The following E2F6 variants were observed in gnomAD, a reference collection of about 807,000 sequenced individuals.
The protein encoded by E2F6 is E2F transcription factor 6.
In E2F6, 19 loss-of-function variants were observed where a neutral mutation model predicts 31.5. The observed-to-expected ratio is 0.60, with a 90% confidence interval of 0.42 to 0.89. The LOEUF (loss-of-function observed/expected upper bound fraction) is 0.89, where lower values mean the gene tolerates loss of function less well. Among genes scored for constraint, E2F6 ranks in the 40% least tolerant of loss-of-function variants. E2F6 has a pLI of 0.00. For missense variants in E2F6, 269 were observed against 341.6 expected (o/e 0.79, Z 1.67); for synonymous variants, 121 against 127.7 (o/e 0.95, Z 0.36).
intron 1 of E2F6, among the ~76,000 whole-genome samples, chr2:11,459,690 T>C (rs1049138346): frequency 7.2e-5 from 11 of 151,986 alleles, no homozygotes; most frequent in African/African-American, 2.4e-4. Flanking sequence ...AAGACCAGCC[T>C]GGCCAACATA....
intron 3 of E2F6, among the ~76,000 whole-genome samples, chr2:11,452,410 C>A (rs1671125130): frequency 6.6e-6 from 1 of 152,032 alleles, no homozygotes; most frequent in Non-Finnish European, 1.5e-5. Flanking sequence ...TATAGACCAG[C>A]CTGGCCAACA....
At chr2:11,453,958 T>C (rs1308016486) in intron 2 of E2F6, among the ~76,000 whole-genome samples, 160 bp from the exon 3 acceptor site, 1 of 152,192 alleles carries the variant, frequency 6.6e-6, no homozygotes, top group Non-Finnish European at 1.5e-5. Context: ...ATCTCTTAAA[T>C]TGGAGAAAAA....
intron 1 of E2F6, among the ~76,000 whole-genome samples, chr2:11,463,958 G>GGGGGAA (rs56958029): frequency 5.6e-5 from 6 of 106,440 alleles, no homozygotes; most frequent in Admixed American, 3.2e-4. Flanking sequence ...CGGGGGGGGG[G>GGGGGAA]ACAAAAACAA....
intron 5 of E2F6, among the ~76,000 whole-genome samples, chr2:11,448,527 G>A (rs924096692): frequency 6.6e-6 from 1 of 152,158 alleles, no homozygotes; most frequent in Admixed American, 6.5e-5. Flanking sequence ...ACCAGGGTGA[G>A]TCTGTGGAGA....
At chr2:11,449,754 C>G (rs747217404) in intron 5 of E2F6, among the ~76,000 whole-genome samples, 1 of 152,212 alleles carries the variant, frequency 6.6e-6, no homozygotes, top group South Asian at 2.1e-4. Flanking sequence ...TGAAGCCACA[C>G]TAACTGGGTT....
chr2:11,454,097 G>C (rs1042757373), intron 2 of E2F6, among the ~76,000 whole-genome samples: 1 of 152,206 alleles, frequency 6.6e-6, no homozygotes, highest in African/African-American at 2.4e-5. Context: ...GGACAAAGCA[G>C]TGAGATTAAT....
intron 4 of E2F6, among the ~76,000 whole-genome samples, chr2:11,450,884 G>T (rs1671020082): frequency 6.6e-6 from 1 of 152,118 alleles, no homozygotes; most frequent in South Asian, 2.1e-4. Context: ...CTCAGAATCA[G>T]TGAGCCCCTC....
chr2:11,454,784 A>T (rs1157987978), intron 2 of E2F6, among the ~76,000 whole-genome samples: 6 of 152,160 alleles, frequency 3.9e-5, no homozygotes, highest in Non-Finnish European at 7.4e-5. Flanking sequence ...CCTCTAACAC[A>T]TTCACACTTG....
intron 5 of E2F6, among the ~76,000 whole-genome samples, chr2:11,448,951 C>T (rs1177282618): frequency 6.6e-6 from 1 of 152,222 alleles, no homozygotes; most frequent in Non-Finnish European, 1.5e-5. Flanking sequence ...CCCAGATCTT[C>T]ACGGTCAGGC....
rs753556695 is a variant in E2F6, at chr2:11,450,013, T to C, written c.650A>G (p.Glu217Gly). 6.2e-7 allele frequency: 1 copy of C among 1,609,486 alleles called. No individual in the cohort carries two copies. The highest frequency in any genetic ancestry group is 1.7e-5 in the Admixed American group (1 of 59,952). ...ETRLDVPAPR[E>G]DSITVHIRST... ...TTTTAAAAATGCAGGGTTACCTACT[T>C]CTCTGGGAGCTGGAACATCCAATCT... Residue 217 changes from glutamate (E) to glycine (G), a missense_variant and splice_region_variant, in exon 5 of 7, where the codon GAA becomes GGA. By Grantham distance (98) the Glu-to-Gly change is moderately conservative. Transcript: ENST00000381525.
rs149767995 is a variant in E2F6 at position 11,448,408 on chromosome 2, T to C, written c.652-634A>G. Among the ~76,000 whole-genome samples the C allele has an allele frequency of 3.6e-4, 55 of 152,336 alleles. No individual in the cohort carries two copies. In the East Asian group the frequency reaches 0.01, roughly 28 times the overall value. On this transcript the variant is annotated intron_variant, in intron 5 of 6. Transcript: ENST00000381525. ...ATAAATGATTGCTTTAATTGGGAGC[T>C]GCTTCAACTATAACAAAGTCTGTTT...
At position 11,446,213 on chromosome 2, in the gene E2F6, G is replaced by A. The variant is rs1670702569; in HGVS notation, c.*264C>T. The A allele has an allele frequency of 6.6e-6, 3 of 451,362 alleles. No homozygotes were observed. Among genetic ancestry groups the A allele is most frequent in the Non-Finnish European group, 4.0e-6 (1 of 251,422 alleles). 28.0% of individuals were successfully genotyped at this position (451,362 alleles called of 1,614,324 possible). Reference sequence around the variant, plus strand: ...GTCTGTCTTCATGACACTCTGTGATGAAGCTACTTCAGGAGGCAAGATGTC... The same window carrying A: ...GTCTGTCTTCATGACACTCTGTGATAAAGCTACTTCAGGAGGCAAGATGTC... On this transcript the variant is annotated 3_prime_UTR_variant, in exon 7 of 7. Transcript: ENST00000381525.
At chr2:11,455,215 G>T in intron 2 of E2F6, 2 of 745,536 alleles carry the variant, frequency 2.7e-6, no homozygotes, top group African/African-American at 1.9e-5. Flanking sequence ...AGTTCTTATG[G>T]CTTGGTTTGC....
chr2:11,461,310 T>C (rs1671765427), intron 1 of E2F6, among the ~76,000 whole-genome samples: 1 of 152,188 alleles, frequency 6.6e-6, no homozygotes, highest in African/African-American at 2.4e-5. Context: ...ACTTTAACAG[T>C]AGATGCTCTG....
chr2:11,454,306 T>TA (rs1267354191), intron 2 of E2F6, among the ~76,000 whole-genome samples: 5 of 152,098 alleles, frequency 3.3e-5, no homozygotes, highest in Non-Finnish European at 7.4e-5. Flanking sequence ...ACTAGTCTTC[T>TA]ATTAAGACAA....
In E2F6 at chr2:11,446,370, G is replaced by C; in HGVS notation, c.*107C>G. On this transcript the variant is annotated 3_prime_UTR_variant, in exon 7 of 7. Coordinates refer to ENST00000381525, the MANE Select transcript of E2F6 (RefSeq NM_198256.4). ...TGGCCATGATGCCGCTACTGAGAACGAGAGCACTTCATGGATAATTTATTG... is the reference window on the plus strand; with the variant it reads ...TGGCCATGATGCCGCTACTGAGAACCAGAGCACTTCATGGATAATTTATTG... 1.2e-6 allele frequency: 1 copy of C among 805,478 alleles called. No individual in the cohort carries two copies. Among genetic ancestry groups the C allele is most frequent in the Non-Finnish European group, 2.1e-6 (1 of 480,488 alleles). The allele number at this position is 805,478 out of a possible 1,614,324, so 49.9% of individuals were successfully genotyped here.
At chr2:11,463,931 A>AAT (rs1491360436) in intron 1 of E2F6, among the ~76,000 whole-genome samples, 1 of 119,038 alleles carries the variant, frequency 8.4e-6, no homozygotes, top group African/African-American at 3.0e-5. Context: ...CCAGGGTGAC[A>AAT]GAGTGAGATC....
chr2:11,445,497 G>A lies in E2F6; in HGVS notation c.*980C>T, dbSNP rs1225507234. 6.6e-6 allele frequency: 1 copy of A among 152,546 alleles called. No homozygotes were observed. Among genetic ancestry groups the A allele is most frequent in the Non-Finnish European group, 1.5e-5 (1 of 68,032 alleles). 9.4% of individuals were successfully genotyped at this position (152,546 alleles called of 1,614,324 possible). A position where few individuals can be genotyped will look rare whatever the true frequency, so the allele number is the denominator to read the frequency against. On this transcript the variant is annotated 3_prime_UTR_variant, in exon 7 of 7. Coordinates refer to ENST00000381525, the MANE Select transcript of E2F6 (RefSeq NM_198256.4). ...TATGTGAAAATGTGGGAGCAGAGCT[G>A]GAGAGAGGGCAAGGTACAACTTGTC...
rs115836439 is a variant in E2F6, at chr2:11,464,553, A to G, written c.108+1219T>C. Among the ~76,000 whole-genome samples the G allele has an allele frequency of 2.4e-3, 355 of 150,172 alleles. 1 individual carries two copies. The highest frequency in any genetic ancestry group is 8.2e-3 in the African/African-American group (333 of 40,508). ...AAAAAAAAAAAAAGTTTAGCTGTGA[A>G]GAGGAAGAGAGACAGTAGATGGGAG... On this transcript the variant is annotated intron_variant, in intron 1 of 6. Transcript: ENST00000381525.
Sources: gnomAD v4.1 joint callset for allele counts (sites outside exome capture counted in the v4.1 genomes callset) on GRCh38, gnomAD v4.1.1 for gene constraint, MANE v1.5 for transcripts, NCBI Gene and HGNC (gene_info 2026-07-23, HGNC 2026-07-21) for gene names.